Variants in ARHGAP11A observed in about 807,000 individuals in gnomAD.
ARHGAP11A encodes the protein rho GTPase-activating protein 11A.
Under a neutral mutation model 60.5 loss-of-function variants are expected in ARHGAP11A, and 36 were observed. The ratio of observed to expected loss-of-function variants is 0.59; its 90% CI spans 0.46 to 0.79. The LOEUF is 0.79. Ranked by LOEUF, ARHGAP11A falls within the 30% of genes least tolerant of loss-of-function variation. The probability of loss-of-function intolerance (pLI) is 0.00; values close to 1 mark genes in which losing one functional copy is unlikely to be tolerated. For missense variants in ARHGAP11A, 1,071 were observed against 1,199.2 expected (o/e 0.89, Z 1.58); for synonymous variants, 362 against 415.5 (o/e 0.87, Z 1.57).
chr15:32,634,651 T>C (rs2053663749), intron 10 of ARHGAP11A, among the ~76,000 whole-genome samples: 1 of 152,234 alleles, frequency 6.6e-6, no homozygotes, highest in African/African-American at 2.4e-5. Flanking sequence ...AAATGTAACC[T>C]GTCCCAAGCA....
chr15:32,634,031 G>A lies in ARHGAP11A; in HGVS notation c.1334G>A (p.Gly445Asp). 6 of 1,600,492 alleles carry A rather than the reference G, an allele frequency of 3.7e-6. No individual in the cohort carries two copies. The highest frequency in any genetic ancestry group is 5.1e-6 in the Non-Finnish European group (6 of 1,173,810). Residue 445 changes from glycine (G) to aspartate (D), a missense_variant, in exon 10 of 12, where the codon GGC becomes GAC. Physicochemically the swap from Gly to Asp is moderately conservative, Grantham distance 94 (BLOSUM62 -1). Transcript: ENST00000361627. ...LRLKFNLGKN[G>D]REVNGCSGVN... ...TTGAAATTCAATCTAGGGAAAAATG[G>A]CAGAGAAGTAGTAAGTTTCTTACCA...
In ARHGAP11A at chr15:32,637,920, T is replaced by G; in HGVS notation, c.*75T>G. 7.9e-7 allele frequency: 1 copy of G among 1,261,188 alleles called. No individual in the cohort carries two copies. Among genetic ancestry groups the G allele is most frequent in the South Asian group, 1.6e-5 (1 of 63,898 alleles). The allele number at this position is 1,261,188 out of a possible 1,614,324, so 78.1% of individuals were successfully genotyped here. ...ATGACTTGCAGGATGATGTACATGT[T>G]AGTTTGTAGCTCAGGATGATTGTTA... is the stretch of plus-strand genomic sequence containing the variant. On this transcript the variant is annotated 3_prime_UTR_variant, in exon 12 of 12. Transcript: ENST00000361627.
intron 1 of ARHGAP11A, among the ~76,000 whole-genome samples, chr15:32,619,755 T>C (rs901366242): frequency 2.6e-5 from 4 of 151,346 alleles, no homozygotes; most frequent in African/African-American, 9.7e-5. Flanking sequence ...CAACCTATAG[T>C]ATTTTGGGGT....
At position 32,637,092 on chromosome 15, in the gene ARHGAP11A, CTT is replaced by C; in HGVS notation, c.2320_2321del (p.Leu774ValfsTer4). 6.2e-7 allele frequency: 1 copy of C among 1,613,982 alleles called. No homozygotes were observed. Among genetic ancestry groups the C allele is most frequent in the Non-Finnish European group, 8.5e-7 (1 of 1,180,032 alleles). On this transcript the variant is annotated frameshift_variant, in exon 12 of 12. Coordinates refer to ENST00000361627, the MANE Select transcript of ARHGAP11A (RefSeq NM_014783.6). LOFTEE classifies it low-confidence loss of function (END_TRUNC). ...SQQSTCVVTN[L>X]SKPRPMRIAK... ...AGCAGAGTACATGTGTTGTAACAAA[CTT>C]GTCAAAACCTAGGCCTATGAGAATT...
Position 32,637,746 on chromosome 15 carries a change from G to A in ARHGAP11A, c.2973G>A (p.Arg991=). Residue 991 remains arginine, a synonymous_variant, in exon 12 of 12, where the codon AGG becomes AGA. Transcript: ENST00000361627. The part of the protein sequence containing the change: ...ISSGINNRVL[R]RPSERGRAWY... ...CTGGGATAAATAACAGGGTCCTTAG[G>A]AGACCATCAGAAAGAGGAAGGGCCT... 1 of 1,614,110 alleles carries A rather than the reference G, an allele frequency of 6.2e-7. No individual in the cohort carries two copies. Among genetic ancestry groups the A allele is most frequent in the Non-Finnish European group, 8.5e-7 (1 of 1,180,012 alleles).
At chr15:32,634,342 T>C (rs76241063) in intron 10 of ARHGAP11A, among the ~76,000 whole-genome samples, 1,888 of 152,306 alleles carry the variant, frequency 0.012, 18 homozygotes, top group Middle Eastern at 0.024. Context: ...GATTCCCCAT[T>C]TTTGGGGGGG....
Position 32,623,502 on chromosome 15 carries a change from G to C in ARHGAP11A, c.211G>C (p.Asp71His). 3.1e-6 allele frequency: 5 copies of C among 1,611,232 alleles called. No individual in the cohort carries two copies. Among genetic ancestry groups the C allele is most frequent in the Non-Finnish European group, 4.2e-6 (5 of 1,179,278 alleles). Residue 71 changes from aspartate (D) to histidine (H), a missense_variant, in exon 3 of 12, where the codon GAT (aspartate) becomes CAT (histidine). Transcript: ENST00000361627. ...EYGHIPSFLVDACTSLEDHIH... is the reference protein window; with the variant it reads ...EYGHIPSFLVHACTSLEDHIH... ...AAATCTCTCTTTCAGCTTTCTTGTC[G>C]ATGCTTGCACATCTTTAGAAGACCA...
chr15:32,635,343 T>C (rs1236737077), intron 10 of ARHGAP11A, among the ~76,000 whole-genome samples: 2 of 152,360 alleles, frequency 1.3e-5, no homozygotes, highest in East Asian at 3.9e-4. Context: ...TCTGTTTTAC[T>C]TTTCTCCGTA....
chr15:32,637,496 G>T lies in ARHGAP11A; in HGVS notation c.2723G>T (p.Cys908Phe), dbSNP rs755335536. ...SGPKEQKSMS[C>F]EESNIGAISK... ...CCTAAAGAACAGAAGTCCATGTCAT[G>T]TGAAGAGTCAAATATTGGTGCAATT... Residue 908 changes from cysteine (C) to phenylalanine (F), a missense_variant, in exon 12 of 12, where the codon TGT becomes TTT. Physicochemically the swap from Cys to Phe is radical, Grantham distance 205. Coordinates refer to ENST00000361627, the MANE Select transcript of ARHGAP11A (RefSeq NM_014783.6). 5.5e-5 allele frequency: 88 copies of T among 1,613,778 alleles called. No homozygotes were observed. The highest frequency in any genetic ancestry group is 6.6e-5 in the Non-Finnish European group (78 of 1,180,030).
chr15:32,631,955 G>A (rs1484943390), intron 8 of ARHGAP11A, among the ~76,000 whole-genome samples: 4 of 152,184 alleles, frequency 2.6e-5, no homozygotes, highest in African/African-American at 9.7e-5. Context: ...GATTACAGAC[G>A]TGAGTCACGG....
intron 2 of ARHGAP11A, among the ~76,000 whole-genome samples, chr15:32,622,973 A>T (rs943204758): frequency 6.6e-6 from 1 of 151,768 alleles, no homozygotes; most frequent in Non-Finnish European, 1.5e-5. Context: ...GCAGGGAGAT[A>T]GCAGGAAAAC....
At chr15:32,624,889 A>C (rs1314080037) in intron 4 of ARHGAP11A, among the ~76,000 whole-genome samples, 191 bp from the exon 5 acceptor site, 1 of 151,904 alleles carries the variant, frequency 6.6e-6, no homozygotes, top group African/African-American at 2.4e-5. Context: ...TTTAGAATAC[A>C]TATTTAAATA....
At chr15:32,617,305 T>A (rs550443276) in intron 1 of ARHGAP11A, among the ~76,000 whole-genome samples, 1 of 152,000 alleles carries the variant, frequency 6.6e-6, no homozygotes, top group South Asian at 2.1e-4. Flanking sequence ...AAGTTATTTT[T>A]GTTGGTAGCA....
intron 11 of ARHGAP11A, 27 bp from the exon 12 acceptor site, chr15:32,636,230 A>G: frequency 6.5e-7 from 1 of 1,549,128 alleles, no homozygotes; most frequent in Non-Finnish European, 8.7e-7. Context: ...AATACAAAGG[A>G]TTAAGCACTG....
intron 6 of ARHGAP11A, among the ~76,000 whole-genome samples, chr15:32,627,863 G>A (rs62001769): frequency 0.27 from 40,061 of 146,528 alleles, 5,858 homozygotes; most frequent in Middle Eastern, 0.36. Context: ...AGGCTGGGGT[G>A]CAGTGATGCT....
Position 32,624,433 on chromosome 15 carries a change from G to C in ARHGAP11A, c.551+7G>C, listed in dbSNP as rs1255820981. 2.2e-5 allele frequency: 36 copies of C among 1,607,236 alleles called. No homozygotes were observed. In the East Asian group the frequency reaches 7.8e-4, roughly 35 times the overall value. ...TCAGGAATGTTTCTCTTAGGTAAGT[G>C]GTAATTAAAACTCTTGGCAAATAAT... On this transcript the variant is annotated splice_region_variant and intron_variant, in intron 4 of 11. Transcript: ENST00000361627.
At position 32,621,882 on chromosome 15, in the gene ARHGAP11A, T is replaced by C. The variant is rs1308920866; in HGVS notation, c.201-1610T>C. Reference sequence around the variant, plus strand: ...ATCTAAAAATGCATATGGTGAAACTTATCCTTAATTCATTTCCCCTCCATC... The same window carrying C: ...ATCTAAAAATGCATATGGTGAAACTCATCCTTAATTCATTTCCCCTCCATC... On this transcript the variant is annotated intron_variant, in intron 2 of 11. Coordinates refer to ENST00000361627, the MANE Select transcript of ARHGAP11A (RefSeq NM_014783.6). 2.0e-5 allele frequency among the ~76,000 whole-genome samples: 3 copies of C among 152,302 alleles called. No individual in the cohort carries two copies. The East Asian group carries it at 5.8e-4, about 29-fold the overall frequency.
At chr15:32,631,932 C>G (rs939220427) in intron 8 of ARHGAP11A, among the ~76,000 whole-genome samples, 1 of 152,184 alleles carries the variant, frequency 6.6e-6, no homozygotes, top group Non-Finnish European at 1.5e-5. Flanking sequence ...ACCTCAGCCT[C>G]CCAAAATACT....
chr15:32,634,414 C>T (rs1005990665), intron 10 of ARHGAP11A, among the ~76,000 whole-genome samples: 3 of 152,192 alleles, frequency 2.0e-5, no homozygotes, highest in African/African-American at 4.8e-5. Context: ...GTCTGGAATG[C>T]TCCAGTGAGC....
Sources: allele counts gnomAD v4.1 joint callset (sites outside exome capture counted in the v4.1 genomes callset), GRCh38; gene constraint gnomAD v4.1.1; transcripts MANE v1.5; gene names NCBI Gene and HGNC (gene_info 2026-07-23, HGNC 2026-07-21).